Variants in PRR5 observed in about 807,000 individuals in gnomAD.
PRR5 encodes the protein proline rich 5, also known as proline-rich protein 5.
Under a neutral mutation model 30.6 loss-of-function variants are expected in PRR5, and 25 were observed. The observed-to-expected ratio is 0.82, with a 90% CI of 0.60 to 1.14. The LOEUF is 1.14. Ranked by LOEUF, PRR5 falls within the 50% of genes most tolerant of loss-of-function variation. The pLI, the probability that PRR5 is intolerant of heterozygous loss-of-function variation, is 0.00. For synonymous variants in PRR5, 286 were observed against 247.1 expected, an observed-to-expected ratio of 1.16 and a Z score of -1.48; for missense variants, 600 against 547.1, an observed-to-expected ratio of 1.10 and a Z score of -0.96.
chr22:44,730,886 A>G, intron 4 of PRR5: 1 of 444,134 alleles, frequency 2.3e-6, no homozygotes. Context: ...GGGGTCGATC[A>G]CCCCTGGCTA....
intron 1 of PRR5, among the ~76,000 whole-genome samples, chr22:44,693,539 T>G (rs1013746205): frequency 6.6e-6 from 1 of 151,502 alleles, no homozygotes; most frequent in Non-Finnish European, 1.5e-5. Context: ...GCCGCATCAC[T>G]CCAGTCTCTG....
chr22:44,679,763 A>AGTCTGAT, intron 1 of PRR5: 4 of 1,537,292 alleles, frequency 2.6e-6, no homozygotes, highest in Non-Finnish European at 2.7e-6. Flanking sequence ...TGGGACACTC[A>AGTCTGAT]GTCTGATGGG....
At chr22:44,670,993 C>T (rs1289535285) in intron 1 of PRR5, among the ~76,000 whole-genome samples, 9 of 152,204 alleles carry the variant, frequency 5.9e-5, no homozygotes, top group Admixed American at 5.9e-4. Flanking sequence ...TTCATTCATT[C>T]ATTTACTCAT....
intron 1 of PRR5, among the ~76,000 whole-genome samples, chr22:44,683,538 C>T (rs1290376159): frequency 6.6e-6 from 1 of 152,248 alleles, no homozygotes; most frequent in Non-Finnish European, 1.5e-5. Flanking sequence ...GGTGGCTGGG[C>T]AAAGCCTTCC....
chr22:44,690,182 A>C (rs1925121671), intron 1 of PRR5, among the ~76,000 whole-genome samples: 1 of 152,120 alleles, frequency 6.6e-6, no homozygotes, highest in South Asian at 2.1e-4. Context: ...GGGAGAGAGA[A>C]GACCCTGTGG....
chr22:44,716,053 G>T (rs970488621), intron 2 of PRR5, among the ~76,000 whole-genome samples: 1 of 152,196 alleles, frequency 6.6e-6, no homozygotes, highest in African/African-American at 2.4e-5. Flanking sequence ...GCCCTCCTTG[G>T]TGTGAACAGC....
chr22:44,711,712 C>A (rs188303908), intron 1 of PRR5, among the ~76,000 whole-genome samples: 93 of 152,290 alleles, frequency 6.1e-4, no homozygotes, highest in Non-Finnish European at 9.0e-4. Context: ...GGCCTGGGCT[C>A]CAGGAGAGAA....
rs1345364160 is a variant in PRR5 at position 44,723,250 on chromosome 22, A to T, written c.216-1994A>T. ...CTGCCCACCTTGGCCTCCCAAAGTG[A>T]TGGGATTACAGGCATGAGCTACTAC... On this transcript the variant is annotated intron_variant, in intron 2 of 7. Transcript: ENST00000336985. Among the ~76,000 whole-genome samples, 9 of 151,994 alleles carry T rather than the reference A, an allele frequency of 5.9e-5. 1 individual carries two copies. Among genetic ancestry groups the T allele is most frequent in the Admixed American group, 5.9e-4 (9 of 15,250 alleles).
chr22:44,725,883 C>G (rs1268470414), intron 3 of PRR5, among the ~76,000 whole-genome samples: 4 of 152,214 alleles, frequency 2.6e-5, no homozygotes, highest in African/African-American at 9.6e-5. Flanking sequence ...AGGCTGGTCT[C>G]AAACTCCTGA....
chr22:44,694,472 G>A (rs1925569719), intron 1 of PRR5, among the ~76,000 whole-genome samples: 1 of 152,214 alleles, frequency 6.6e-6, no homozygotes, highest in Non-Finnish European at 1.5e-5. Flanking sequence ...GGTGGAGGTT[G>A]TAGTTAGCCG....
At position 44,682,053 on chromosome 22, in the gene PRR5, C is replaced by T. The variant is rs1601951637; in HGVS notation, c.-11+4813C>T. ...CCTGCTCCACGCGGCCATGGACCTGCCTCACCACTGGCCCACTGAGTTACA... is the reference window on the plus strand; with the variant it reads ...CCTGCTCCACGCGGCCATGGACCTGTCTCACCACTGGCCCACTGAGTTACA... On this transcript the variant is annotated intron_variant, in intron 1 of 8. Coordinates refer to the PRR5 transcript ENST00000006251. Among the ~76,000 whole-genome samples the T allele has an allele frequency of 2.6e-5, 4 of 152,320 alleles. No homozygotes were observed. In the Middle Eastern group the frequency reaches 0.014, roughly 518 times the overall value.
At chr22:44,697,481 A>G (rs1187603700), upstream of PRR5, among the ~76,000 whole-genome samples, 1 of 152,276 alleles carries the variant, frequency 6.6e-6, no homozygotes, top group Non-Finnish European at 1.5e-5. Flanking sequence ...TTCCGTGCCC[A>G]GCACGTTGCC....
chr22:44,715,012 G>A (rs1272485342), intron 2 of PRR5, among the ~76,000 whole-genome samples: 2 of 152,226 alleles, frequency 1.3e-5, no homozygotes, highest in African/African-American at 2.4e-5. Context: ...GCTGAGCATC[G>A]TGAAGGATAT....
intron 1 of PRR5, among the ~76,000 whole-genome samples, chr22:44,693,969 G>A (rs143997122): frequency 2.0e-5 from 3 of 151,934 alleles, no homozygotes; most frequent in African/African-American, 7.2e-5. Flanking sequence ...CTGGATTTAG[G>A]GCCCACTTAC....
chr22:44,725,484 C>CT (rs1569103172), intron 3 of PRR5, among the ~76,000 whole-genome samples, 192 bp downstream of exon 3: 1 of 152,162 alleles, frequency 6.6e-6, no homozygotes, highest in Admixed American at 6.5e-5. Flanking sequence ...GAGGTGAATT[C>CT]TTTTTTGAGA....
Position 44,732,398 on chromosome 22 carries a change from A to C in PRR5, c.555+7A>C. 6.2e-7 allele frequency: 1 copy of C among 1,604,726 alleles called. No individual in the cohort carries two copies. Among genetic ancestry groups the C allele is most frequent in the South Asian group, 1.1e-5 (1 of 90,878 alleles). ...GATGCTGCTGGTGCTGCAGGTGGGCACAGTGGGCAGAGGGTCGGGCATGGG... is the reference window on the plus strand; with the variant it reads ...GATGCTGCTGGTGCTGCAGGTGGGCCCAGTGGGCAGAGGGTCGGGCATGGG... On this transcript the variant is annotated splice_region_variant and intron_variant, in intron 6 of 7. Transcript: ENST00000336985.
intron 6 of PRR5, chr22:44,734,750 GA>G (rs1922881657): frequency 1.9e-6 from 1 of 522,568 alleles, no homozygotes; most frequent in African/African-American, 1.9e-5. Flanking sequence ...GGAAGGTGCA[GA>G]ACACCCATCT....
intron 1 of PRR5, among the ~76,000 whole-genome samples, chr22:44,671,194 C>A (rs1923406643): frequency 6.6e-6 from 1 of 152,138 alleles, no homozygotes; most frequent in African/African-American, 2.4e-5. Flanking sequence ...CATCCTGAAG[C>A]CCAGAGGGGG....
At chr22:44,680,915 G>A (rs1008595384) in intron 1 of PRR5, among the ~76,000 whole-genome samples, 2 of 152,320 alleles carry the variant, frequency 1.3e-5, no homozygotes, top group South Asian at 2.1e-4. Context: ...TGCGGGACCC[G>A]GACAGAGCAG....
Sources: gnomAD v4.1 joint callset for allele counts (sites outside exome capture counted in the v4.1 genomes callset) on GRCh38, gnomAD v4.1.1 for gene constraint, MANE v1.5 for transcripts, NCBI Gene and HGNC (gene_info 2026-07-23, HGNC 2026-07-21) for gene names.